Variants in COL24A1 observed in about 807,000 individuals in gnomAD.
The protein encoded by COL24A1 is collagen type XXIV alpha 1 chain, also known as collagen alpha-1(XXIV) chain.
A neutral mutation model predicts 253.9 loss-of-function variants in COL24A1; 224 were observed. The observed-to-expected ratio is 0.88, with a 90% CI of 0.79 to 0.99. The LOEUF (loss-of-function observed/expected upper bound fraction) is 0.99. Ranked by LOEUF, COL24A1 falls within the 50% of genes least tolerant of loss-of-function variation. The probability of loss-of-function intolerance (pLI) is 0.00; values close to 1 mark genes in which losing one functional copy is unlikely to be tolerated. For missense variants in COL24A1, 2,131 were observed against 2,068.5 expected (o/e 1.03, Z -0.59); for synonymous variants, 685 against 673.7 (o/e 1.02, Z -0.26).
At chr1:86,023,283 C>T (rs1316870595) in intron 14 of COL24A1, among the ~76,000 whole-genome samples, 1 of 152,136 alleles carries the variant, frequency 6.6e-6, no homozygotes, top group Non-Finnish European at 1.5e-5. Context: ...CTGTCCATGA[C>T]ATTCATCTTG....
At chr1:86,038,314 G>T (rs1054599553) in intron 12 of COL24A1, among the ~76,000 whole-genome samples, 1 of 152,124 alleles carries the variant, frequency 6.6e-6, no homozygotes, top group Non-Finnish European at 1.5e-5. Context: ...TTGCATTCAT[G>T]CTGAGAGAAA....
At chr1:85,747,840 G>A (rs577514099) in intron 55 of COL24A1, among the ~76,000 whole-genome samples, 1 of 152,046 alleles carries the variant, frequency 6.6e-6, no homozygotes, top group Non-Finnish European at 1.5e-5. Context: ...CTCAATGAAC[G>A]TTTTGTACTT....
intron 22 of COL24A1, among the ~76,000 whole-genome samples, chr1:85,966,436 T>C (rs1031392872): frequency 1.3e-5 from 2 of 152,076 alleles, no homozygotes; most frequent in East Asian, 1.9e-4. Context: ...GAAGAAATAA[T>C]CTTAGAAACC....
Position 85,730,304 on chromosome 1 carries a change from G to C in COL24A1, c.*242C>G, listed in dbSNP as rs1663348212. On this transcript the variant is annotated 3_prime_UTR_variant, in exon 60 of 60. Coordinates refer to ENST00000370571, the MANE Select transcript of COL24A1 (RefSeq NM_152890.7). ...ATATTTATAAATTTTTAGTTCTAGGGAATTCTCTAAGAAAGCTGAGATGAA... is the reference window on the plus strand; with the variant it reads ...ATATTTATAAATTTTTAGTTCTAGGCAATTCTCTAAGAAAGCTGAGATGAA... 1 of 320,312 alleles carries C rather than the reference G, an allele frequency of 3.1e-6. No homozygotes were observed. Among genetic ancestry groups the C allele is most frequent in the African/African-American group, 2.1e-5 (1 of 47,260 alleles). 19.8% of individuals were successfully genotyped at this position (320,312 alleles called of 1,614,324 possible). A position where few individuals can be genotyped will look rare whatever the true frequency, so the allele number is the denominator to read the frequency against.
At chr1:85,893,517 T>C (rs962976930) in intron 31 of COL24A1, among the ~76,000 whole-genome samples, 1 of 152,194 alleles carries the variant, frequency 6.6e-6, no homozygotes. Context: ...ATAGTTTTTA[T>C]ATTATTTAGA....
At chr1:85,902,883 TC>T (rs1684456412) in intron 28 of COL24A1, among the ~76,000 whole-genome samples, 1 of 152,142 alleles carries the variant, frequency 6.6e-6, no homozygotes, top group Non-Finnish European at 1.5e-5. Context: ...ATTGTATATT[TC>T]AAAATAACCA....
chr1:86,115,293 C>T lies in COL24A1; in HGVS notation c.1545+32G>A, dbSNP rs561378443. On this transcript the variant is annotated intron_variant, in intron 4 of 59. Transcript: ENST00000370571. ...CATGTTAGAAAGTTACAAATTCTCACTGCCAGCAGGAAATATAGCCCATCT... is the reference window on the plus strand; with the variant it reads ...CATGTTAGAAAGTTACAAATTCTCATTGCCAGCAGGAAATATAGCCCATCT... 4.3e-4 allele frequency: 690 copies of T among 1,607,532 alleles called. 9 individuals carry two copies. The South Asian group carries it at 7.4e-3, about 17-fold the overall frequency.
At chr1:85,944,631 G>A (rs1264049584) in intron 24 of COL24A1, among the ~76,000 whole-genome samples, 1 of 151,618 alleles carries the variant, frequency 6.6e-6, no homozygotes, top group African/African-American at 2.4e-5. Context: ...AAGTTTTAGG[G>A]TAAATGTGCA....
At position 85,744,729 on chromosome 1, in the gene COL24A1, T is replaced by G; in HGVS notation, c.4609A>C (p.Thr1537Pro). Residue 1537 changes from threonine (T) to proline (P), a missense_variant, in exon 57 of 60, where the codon ACA becomes CCA. Transcript: ENST00000370571. Reference sequence around the variant, plus strand: ...CAGATTCGTGCTGGGTTATCTCGTGTGCCAAGAGGATTCTTGATGCTGTGC... The same window carrying G: ...CAGATTCGTGCTGGGTTATCTCGTGGGCCAAGAGGATTCTTGATGCTGTGC... ...LLHSIKNPLG[T>P]RDNPARICKD... The G allele has an allele frequency of 6.2e-7, 1 of 1,609,674 alleles. No homozygotes were observed. Among genetic ancestry groups the G allele is most frequent in the Non-Finnish European group, 8.5e-7 (1 of 1,178,818 alleles).
chr1:85,802,507 C>T (rs1332324381), intron 47 of COL24A1, among the ~76,000 whole-genome samples: 1 of 152,040 alleles, frequency 6.6e-6, no homozygotes, highest in Non-Finnish European at 1.5e-5. Flanking sequence ...GGTATCATCT[C>T]TCTCCTCCTC....
chr1:86,009,267 C>T (rs957925209), intron 19 of COL24A1, among the ~76,000 whole-genome samples: 9 of 152,092 alleles, frequency 5.9e-5, no homozygotes, highest in South Asian at 2.1e-4. Flanking sequence ...CAGACAACCA[C>T]TCAGATGGAA....
chr1:85,781,197 G>T (rs1449946800), intron 52 of COL24A1, 23 bp downstream of exon 52: 1 of 1,523,256 alleles, frequency 6.6e-7, no homozygotes, highest in Admixed American at 1.9e-5. Context: ...GAGTACAAAA[G>T]ACTTGTATTA....
chr1:85,762,612 A>G (rs376036706), intron 53 of COL24A1, among the ~76,000 whole-genome samples: 1 of 152,214 alleles, frequency 6.6e-6, no homozygotes, highest in Non-Finnish European at 1.5e-5. Context: ...ACCAATGCAT[A>G]TATCTCAGAA....
chr1:85,806,794 C>T (rs987448932), intron 47 of COL24A1, among the ~76,000 whole-genome samples: 1 of 152,206 alleles, frequency 6.6e-6, no homozygotes, highest in Admixed American at 6.5e-5. Context: ...CAGTCTCCAC[C>T]CTGCTCTACG....
At chr1:85,964,410 A>G (rs1367460087) in intron 23 of COL24A1, among the ~76,000 whole-genome samples, 1 of 152,142 alleles carries the variant, frequency 6.6e-6, no homozygotes. Context: ...ACTGTTTACT[A>G]GTGATTAAAA....
chr1:85,935,571 T>A (rs1688185009), intron 24 of COL24A1, among the ~76,000 whole-genome samples: 1 of 147,664 alleles, frequency 6.8e-6, no homozygotes, highest in South Asian at 2.4e-4. Context: ...CTGTACTTCA[T>A]CCTGTACCAT....
At chr1:86,146,318 G>A (rs766524696) in intron 1 of COL24A1, 135 bp from the exon 2 acceptor site, 10 of 668,836 alleles carry the variant, frequency 1.5e-5, no homozygotes, top group Non-Finnish European at 1.7e-5. Context: ...TATTCATAGT[G>A]GTTAAGACCA....
intron 22 of COL24A1, among the ~76,000 whole-genome samples, chr1:85,968,538 A>C (rs532430366): frequency 6.6e-6 from 1 of 152,316 alleles, no homozygotes; most frequent in South Asian, 2.1e-4. Context: ...AAAGCAAAGA[A>C]CTGAAAACCA....
intron 19 of COL24A1, among the ~76,000 whole-genome samples, chr1:86,007,968 G>C (rs1393223467): frequency 6.6e-6 from 1 of 152,052 alleles, no homozygotes; most frequent in African/African-American, 2.4e-5. Flanking sequence ...ATGGACCTTG[G>C]GTGATAGTTA....
Sources: gnomAD v4.1 joint callset for allele counts (sites outside exome capture counted in the v4.1 genomes callset) on GRCh38, gnomAD v4.1.1 for gene constraint, MANE v1.5 for transcripts, NCBI Gene and HGNC (gene_info 2026-07-23, HGNC 2026-07-21) for gene names.